HPSE2: variants seen among roughly 807,000 people sequenced by gnomAD.
HPSE2 encodes the protein inactive heparanase-2.
HPSE2 carries 38 observed loss-of-function variants against 60.5 expected under a neutral mutation model. The observed-to-expected ratio is 0.63, with a 90% confidence interval of 0.48 to 0.82. The LOEUF is 0.82. Among genes scored for constraint, HPSE2 ranks in the 40% least tolerant of loss-of-function variants. The pLI, the probability that HPSE2 is intolerant of heterozygous loss-of-function variation, is 0.00. For synonymous variants in HPSE2, 295 were observed against 293.2 expected, an observed-to-expected ratio of 1.01 and a Z score of -0.06; for missense variants, 713 against 740.4, an observed-to-expected ratio of 0.96 and a Z score of 0.43.
At chr10:99,141,399 C>T (rs979796372) in intron 3 of HPSE2, among the ~76,000 whole-genome samples, 1 of 152,158 alleles carries the variant, frequency 6.6e-6, no homozygotes, top group South Asian at 2.1e-4. Context: ...TTTAAAAACC[C>T]TCTAGGCTAG....
At chr10:98,880,164 C>T (rs1320054188) in intron 3 of HPSE2, among the ~76,000 whole-genome samples, 1 of 151,926 alleles carries the variant, frequency 6.6e-6, no homozygotes, top group Admixed American at 6.6e-5. Context: ...GAAACATTTC[C>T]TTTTTCTTAA....
At chr10:98,707,802 T>C (rs997834859) in intron 5 of HPSE2, among the ~76,000 whole-genome samples, 3 of 152,100 alleles carry the variant, frequency 2.0e-5, no homozygotes, top group Admixed American at 2.0e-4. Flanking sequence ...GAATAAAAAG[T>C]CCCAGCAGAT....
the HPSE2 span, among the ~76,000 whole-genome samples, chr10:99,267,907 G>A: frequency 6.6e-6 from 1 of 152,110 alleles, no homozygotes; most frequent in Admixed American, 6.5e-5. Flanking sequence ...AACTTCCCTG[G>A]CCTTGCTAGA....
chr10:99,121,492 T>A (rs1223884775), intron 3 of HPSE2, among the ~76,000 whole-genome samples: 1 of 151,760 alleles, frequency 6.6e-6, no homozygotes, highest in Non-Finnish European at 1.5e-5. Context: ...AAAAAAAGTG[T>A]TTAACTTAAA....
intron 9 of HPSE2, among the ~76,000 whole-genome samples, chr10:98,600,662 T>C (rs1945370947): frequency 6.6e-6 from 1 of 151,584 alleles, no homozygotes; most frequent in Admixed American, 6.6e-5. Context: ...TTCATATAAG[T>C]GCTTAATTAA....
chr10:98,554,176 C>G (rs1225150094), intron 9 of HPSE2, among the ~76,000 whole-genome samples: 1 of 152,202 alleles, frequency 6.6e-6, no homozygotes, highest in East Asian at 1.9e-4. Context: ...CCTTACCTCT[C>G]CCAGCATCCT....
intron 3 of HPSE2, among the ~76,000 whole-genome samples, chr10:98,877,903 C>A (rs1301255259): frequency 6.6e-6 from 1 of 151,800 alleles, no homozygotes; most frequent in African/African-American, 2.4e-5. Flanking sequence ...ATAAACAAAA[C>A]AAAGTCTTAG....
At chr10:99,178,676 A>G (rs892390963) in intron 2 of HPSE2, among the ~76,000 whole-genome samples, 1 of 152,164 alleles carries the variant, frequency 6.6e-6, no homozygotes, top group African/African-American at 2.4e-5. Context: ...TTCATAGCCA[A>G]ATTCTACAGA....
At chr10:99,260,652 T>G in the HPSE2 span, among the ~76,000 whole-genome samples, 1 of 152,170 alleles carries the variant, frequency 6.6e-6, no homozygotes, top group Non-Finnish European at 1.5e-5. Context: ...GGGAAGACAG[T>G]CTTCCCTTGG....
intron 3 of HPSE2, among the ~76,000 whole-genome samples, chr10:99,015,661 C>A (rs28873700): frequency 0.056 from 8,418 of 151,006 alleles, 300 homozygotes; most frequent in Admixed American, 0.089. Context: ...AACACCGGGG[C>A]CTGTTGTGGG....
intron 3 of HPSE2, among the ~76,000 whole-genome samples, chr10:98,795,925 A>C (rs1303779483): frequency 6.6e-6 from 1 of 152,200 alleles, no homozygotes; most frequent in Non-Finnish European, 1.5e-5. Context: ...ACCCCAATCC[A>C]AAATGGAACC....
intron 3 of HPSE2, among the ~76,000 whole-genome samples, chr10:98,993,918 A>G (rs1244158638): frequency 6.6e-6 from 1 of 152,228 alleles, no homozygotes; most frequent in Non-Finnish European, 1.5e-5. Flanking sequence ...AGGATAAAAC[A>G]GAGTTTTCCA....
At chr10:98,792,063 G>A (rs753631232) in intron 3 of HPSE2, among the ~76,000 whole-genome samples, 1 of 152,166 alleles carries the variant, frequency 6.6e-6, no homozygotes, top group Non-Finnish European at 1.5e-5. Context: ...TCTGCTTTGT[G>A]TAAAACTGAG....
intron 6 of HPSE2, among the ~76,000 whole-genome samples, chr10:98,665,181 G>C (rs1031247927): frequency 1.2e-4 from 18 of 152,134 alleles, no homozygotes; most frequent in African/African-American, 4.1e-4. Context: ...AGTAAACCAA[G>C]CTGAGGAAAC....
chr10:98,536,735 A>G (rs535943383), intron 9 of HPSE2, among the ~76,000 whole-genome samples: 1 of 152,260 alleles, frequency 6.6e-6, no homozygotes, highest in African/African-American at 2.4e-5. Context: ...ACATGCCACA[A>G]ATGCTTCCTG....
At chr10:98,680,947 G>A (rs515564) in intron 6 of HPSE2, among the ~76,000 whole-genome samples, 46,601 of 151,476 alleles carry the variant, frequency 0.31, 7,348 homozygotes, top group Admixed American at 0.34. Flanking sequence ...GTAGAGACAG[G>A]GTTTCTCTAC....
chr10:98,703,165 C>A (rs7097207), intron 5 of HPSE2, among the ~76,000 whole-genome samples: 1 of 152,140 alleles, frequency 6.6e-6, no homozygotes. Context: ...CACCTCTACA[C>A]AAACAAACTT....
intron 3 of HPSE2, among the ~76,000 whole-genome samples, chr10:98,914,950 A>G (rs1353936106): frequency 5.3e-5 from 8 of 151,976 alleles, no homozygotes; most frequent in Non-Finnish European, 8.8e-5. Context: ...AGATAAAGCA[A>G]TATACAAAAG....
intron 3 of HPSE2, among the ~76,000 whole-genome samples, chr10:98,956,625 A>G (rs186173904): frequency 1.3e-5 from 2 of 152,248 alleles, no homozygotes; most frequent in East Asian, 3.9e-4. Flanking sequence ...AGGGAACACA[A>G]CAGATAGAGA....
Sources: allele counts gnomAD v4.1 joint callset (sites outside exome capture counted in the v4.1 genomes callset), GRCh38; gene constraint gnomAD v4.1.1; transcripts MANE v1.5; gene names NCBI Gene and HGNC (gene_info 2026-07-23, HGNC 2026-07-21).